The following MAP3K4 variants were observed in gnomAD, a reference collection of about 807,000 sequenced individuals.
The protein encoded by MAP3K4 is MAP three kinase 1.
In MAP3K4, 67 loss-of-function variants were observed where a neutral mutation model predicts 185.6. That is an observed-to-expected ratio of 0.36 (90% CI 0.30 to 0.44). The LOEUF is 0.44. Among genes scored for constraint, MAP3K4 ranks in the 20% least tolerant of loss-of-function variants. MAP3K4 has a pLI of 1.00. For synonymous variants in MAP3K4, 702 were observed against 710.4 expected (o/e 0.99, Z 0.19); for missense variants, 1,551 against 1,995.1 (o/e 0.78, Z 4.24).
At position 161,071,530 on chromosome 6, in the gene MAP3K4, G is replaced by A. The variant is rs900785173; in HGVS notation, c.1950+680G>A. ...TGTACGTGTCTATCCCATAGGGATTGGAGGGCTAAGAGCTACCCGGCTCTG... is the reference window on the plus strand; with the variant it reads ...TGTACGTGTCTATCCCATAGGGATTAGAGGGCTAAGAGCTACCCGGCTCTG... On this transcript the variant is annotated intron_variant, in intron 4 of 26. Coordinates refer to ENST00000392142, the MANE Select transcript of MAP3K4 (RefSeq NM_005922.4). The surrounding 1 kb of genome is among the most constrained non-coding windows in gnomAD (Gnocchi z 4.6). Among the ~76,000 whole-genome samples the A allele has an allele frequency of 6.6e-6, 1 of 152,188 alleles. No homozygotes were observed. The highest frequency in any genetic ancestry group is 1.5e-5 in the Non-Finnish European group (1 of 68,034).
In MAP3K4 at chr6:161,071,213, G is replaced by T. The variant is rs1784926667; in HGVS notation, c.1950+363G>T. Reference sequence around the variant, plus strand: ...TGTAAACAGATAAATGTCTAGAATAGGCATGGGGAGGGGTTTGGACTTTCT... The same window carrying T: ...TGTAAACAGATAAATGTCTAGAATATGCATGGGGAGGGGTTTGGACTTTCT... On this transcript the variant is annotated intron_variant, in intron 4 of 26. Transcript: ENST00000392142. This position sits in a 1 kb window ranked among gnomAD's most constrained non-coding sequence, Gnocchi z 4.6. 6.6e-6 allele frequency among the ~76,000 whole-genome samples: 1 copy of T among 152,020 alleles called. No homozygotes were observed. Among genetic ancestry groups the T allele is most frequent in the Non-Finnish European group, 1.5e-5 (1 of 67,996 alleles).
chr6:161,084,847 A>AT lies in MAP3K4; in HGVS notation c.2372+231dup, dbSNP rs1470347956. Among the ~76,000 whole-genome samples the AT allele has an allele frequency of 6.6e-6, 1 of 152,176 alleles. No individual in the cohort carries two copies. Among genetic ancestry groups the AT allele is most frequent in the African/African-American group, 2.4e-5 (1 of 41,436 alleles). ...GGGAACTTAGAATTTATTTAGTGTG[A>AT]TAAAAATAGTGCCAACTGGCTGGGC... is the stretch of plus-strand genomic sequence containing the variant. On this transcript the variant is annotated intron_variant, in intron 7 of 26. Coordinates refer to ENST00000392142, the MANE Select transcript of MAP3K4 (RefSeq NM_005922.4). The surrounding 1 kb of genome is among the most constrained non-coding windows in gnomAD (Gnocchi z 4.6).
intron 1 of MAP3K4, among the ~76,000 whole-genome samples, chr6:161,033,084 A>T (rs563463591): frequency 2.5e-4 from 38 of 152,282 alleles, no homozygotes; most frequent in South Asian, 1.2e-3. Flanking sequence ...TAATAATGGG[A>T]TCATACATTG....
At position 161,070,530 on chromosome 6, in the gene MAP3K4, A is replaced by G; in HGVS notation, c.1708-78A>G. ...TAGATTTGTTAGCACATTGTAGAGA[A>G]TAAGAGTTTATAACCACAACCGTAG... is the stretch of plus-strand genomic sequence containing the variant. On this transcript the variant is annotated intron_variant, in intron 3 of 26. Transcript: ENST00000392142. This position sits in a 1 kb window ranked among gnomAD's most constrained non-coding sequence, Gnocchi z 4.5. The G allele has an allele frequency of 1.6e-6, 2 of 1,228,570 alleles. No individual in the cohort carries two copies. Among genetic ancestry groups the G allele is most frequent in the Non-Finnish European group, 2.3e-6 (2 of 871,564 alleles). The allele number at this position is 1,228,570 out of a possible 1,614,324, so 76.1% of individuals were successfully genotyped here. A position where few individuals can be genotyped will look rare whatever the true frequency, so the allele number is the denominator to read the frequency against.
chr6:161,018,741 C>T (rs1198325054), intron 1 of MAP3K4, among the ~76,000 whole-genome samples: 1 of 151,992 alleles, frequency 6.6e-6, no homozygotes, highest in African/African-American at 2.4e-5. Context: ...TCAATAGTAA[C>T]AATCCTAGAA....
At position 161,097,284 on chromosome 6, in the gene MAP3K4, G is replaced by A. The variant is rs568845840; in HGVS notation, c.3524+108G>A. On this transcript the variant is annotated intron_variant, in intron 16 of 26. Coordinates refer to ENST00000392142, the MANE Select transcript of MAP3K4 (RefSeq NM_005922.4). This position sits in a 1 kb window ranked among gnomAD's most constrained non-coding sequence, Gnocchi z 4.9. The stretch of plus-strand genomic sequence containing the variant: ...GCTCTGAGAGCTAAATACCTTTTCT[G>A]CATTGTTCGTACGTAAAAGCTCTTA... 3.4e-6 allele frequency: 3 copies of A among 888,894 alleles called. No individual in the cohort carries two copies. Among genetic ancestry groups the A allele is most frequent in the Non-Finnish European group, 5.3e-6 (3 of 562,446 alleles). The allele number at this position is 888,894 out of a possible 1,614,324, so 55.1% of individuals were successfully genotyped here. A position where few individuals can be genotyped will look rare whatever the true frequency, so the allele number is the denominator to read the frequency against.
At chr6:161,041,183 C>T (rs1783432731) in intron 2 of MAP3K4, among the ~76,000 whole-genome samples, 1 of 152,218 alleles carries the variant, frequency 6.6e-6, no homozygotes, top group Non-Finnish European at 1.5e-5. Context: ...GCCCTACCTC[C>T]AGCACCTGCC....
Position 161,109,793 on chromosome 6 carries a change from G to C in MAP3K4, c.4275G>C (p.Gly1425=), listed in dbSNP as rs1385827123. 2 of 1,614,134 alleles carry C rather than the reference G, an allele frequency of 1.2e-6. No individual in the cohort carries two copies. Among genetic ancestry groups the C allele is most frequent in the Non-Finnish European group, 1.7e-6 (2 of 1,180,022 alleles). Residue 1425 remains glycine (G), a synonymous_variant, in exon 23 of 27, where the codon GGG becomes GGC. Coordinates refer to ENST00000392142, the MANE Select transcript of MAP3K4 (RefSeq NM_005922.4). The surrounding 1 kb of genome is among the most constrained non-coding windows in gnomAD (Gnocchi z 5.7). ...TCTTCATGGAGTACTGCGATGAGGG[G>C]ACTTTAGAAGAGGTGTCAAGGCTGG... The part of the protein sequence containing the change: ...MYIFMEYCDE[G]TLEEVSRLGL...
chr6:161,062,634 C>T (rs1181505516), intron 3 of MAP3K4, among the ~76,000 whole-genome samples: 1 of 152,114 alleles, frequency 6.6e-6, no homozygotes, highest in African/African-American at 2.4e-5. Flanking sequence ...TCCATAAAAT[C>T]TTTGGTTTAT....
At chr6:161,047,788 G>A (rs539897726) in intron 2 of MAP3K4, among the ~76,000 whole-genome samples, 4 of 152,334 alleles carry the variant, frequency 2.6e-5, no homozygotes, top group Admixed American at 2.0e-4. Flanking sequence ...GCAATTAATA[G>A]TGTTAAAAGT....
At chr6:161,010,684 C>A (rs1026322211) in intron 1 of MAP3K4, among the ~76,000 whole-genome samples, 1 of 152,076 alleles carries the variant, frequency 6.6e-6, no homozygotes, top group Non-Finnish European at 1.5e-5. Context: ...ATGACTAACC[C>A]CTGTTAAATA....
In MAP3K4 at chr6:161,006,404, TATTC is replaced by T. The variant is rs558049706; in HGVS notation, c.152+14322_152+14325del. On this transcript the variant is annotated intron_variant, in intron 1 of 26. Transcript: ENST00000392142. ...GTACAGACTTTTTTATTCTTGTTAT[TATTC>T]CCTAAATAATTCAGTGTAACAATCA... Among the ~76,000 whole-genome samples, 5 of 152,364 alleles carry T rather than the reference TATTC, an allele frequency of 3.3e-5. No individual in the cohort carries two copies. The South Asian group carries it at 1.0e-3, about 32-fold the overall frequency.
At position 161,029,979 on chromosome 6, in the gene MAP3K4, C is replaced by T. The variant is rs111571164; in HGVS notation, c.153-4280C>T. On this transcript the variant is annotated intron_variant, in intron 1 of 26. Transcript: ENST00000392142. ...TGGCTGCTTTTAATATTCTTCTCTT[C>T]GTCATTGGTTTTCAGCAATTTGGTT... Among the ~76,000 whole-genome samples the T allele has an allele frequency of 3.2e-3, 485 of 152,220 alleles. 4 individuals carry two copies. Among genetic ancestry groups the T allele is most frequent in the African/African-American group, 0.011 (463 of 41,520 alleles).
chr6:161,080,925 A>G lies in MAP3K4; in HGVS notation c.2142A>G (p.Gln714=), dbSNP rs375570904. The G allele has an allele frequency of 1.4e-5, 23 of 1,614,044 alleles. No individual in the cohort carries two copies. Among genetic ancestry groups the G allele is most frequent in the East Asian group, 2.2e-5 (1 of 44,884 alleles). The change falls in exon 6 of 27, where the codon CAA becomes CAG. Residue 714 remains glutamine, a synonymous_variant. Transcript: ENST00000392142. This position sits in a 1 kb window ranked among gnomAD's most constrained non-coding sequence, Gnocchi z 4.8. ...GAAGCTGGATCCAAATGCTACAGCA[A>G]TTACCTCAAGCATCGCATAGTTTAA... is the stretch of plus-strand genomic sequence containing the variant. ...YMRSWIQMLQ[Q]LPQASHSLKN... is the part of the protein sequence containing the mutation.
intron 3 of MAP3K4, among the ~76,000 whole-genome samples, chr6:161,066,117 T>G (rs1784702686): frequency 6.6e-6 from 1 of 152,158 alleles, no homozygotes; most frequent in African/African-American, 2.4e-5. Flanking sequence ...CTTTGTTTGC[T>G]ATTTTTCTTT....
chr6:161,008,978 C>T lies in MAP3K4; in HGVS notation c.152+16895C>T, dbSNP rs60649875. On this transcript the variant is annotated intron_variant, in intron 1 of 26. Transcript: ENST00000392142. This position sits in a 1 kb window ranked among gnomAD's most constrained non-coding sequence, Gnocchi z 4.1. ...ATCATGGCATATTCATTTTTTTAAA[C>T]CATCTGAACCTTTTTTTTTTTTTTT... is the stretch of plus-strand genomic sequence containing the variant. Among the ~76,000 whole-genome samples, 10,271 of 150,674 alleles carry T rather than the reference C, an allele frequency of 0.068. 406 individuals carry two copies. The highest frequency in any genetic ancestry group is 0.12 in the African/African-American group (4,725 of 40,724).
Position 161,106,349 on chromosome 6 carries a change from G to A in MAP3K4, c.3857-165G>A. Among the ~76,000 whole-genome samples the A allele has an allele frequency of 6.6e-6, 1 of 152,176 alleles. No individual in the cohort carries two copies. Among genetic ancestry groups the A allele is most frequent in the East Asian group, 1.9e-4 (1 of 5,196 alleles). ...TAAGGGGTGGCATATGCTGGAATGA[G>A]TAGCGTTTGAAGAACTTTAATTCAC... On this transcript the variant is annotated intron_variant, in intron 19 of 26. Transcript: ENST00000392142. The surrounding 1 kb of genome is among the most constrained non-coding windows in gnomAD (Gnocchi z 4.9).
chr6:161,101,645 C>T lies in MAP3K4; in HGVS notation c.3675-247C>T, dbSNP rs575936719. The T allele has an allele frequency of 2.3e-5, 8 of 351,320 alleles. No homozygotes were observed. In the East Asian group the frequency reaches 2.6e-4, roughly 11 times the overall value. 21.8% of individuals were successfully genotyped at this position (351,320 alleles called of 1,614,324 possible). A position where few individuals can be genotyped will look rare whatever the true frequency, so the allele number is the denominator to read the frequency against. ...TAGAGCTCTAACAGACTCCAGAGGA[C>T]GGTCTCCACAGCAGCGCTGTTCACT... is the stretch of plus-strand genomic sequence containing the variant. On this transcript the variant is annotated intron_variant, in intron 17 of 26. Transcript: ENST00000392142. This position sits in a 1 kb window ranked among gnomAD's most constrained non-coding sequence, Gnocchi z 5.1.
In MAP3K4 at chr6:161,087,547, T is replaced by C. The variant is rs1041390244; in HGVS notation, c.2557-141T>C. The stretch of plus-strand genomic sequence containing the variant: ...TTCAGTCACACTGAAGCCGGCTACC[T>C]GCAGTTCCCTCACTGCTCCAATTCA... On this transcript the variant is annotated intron_variant, in intron 9 of 26. Coordinates refer to ENST00000392142, the MANE Select transcript of MAP3K4 (RefSeq NM_005922.4). This position sits in a 1 kb window ranked among gnomAD's most constrained non-coding sequence, Gnocchi z 4.9. 1.3e-6 allele frequency: 1 copy of C among 791,852 alleles called. No individual in the cohort carries two copies. Among genetic ancestry groups the C allele is most frequent in the African/African-American group, 1.7e-5 (1 of 57,612 alleles). 49.1% of individuals were successfully genotyped at this position (791,852 alleles called of 1,614,324 possible).
Sources: allele counts gnomAD v4.1 joint callset (sites outside exome capture counted in the v4.1 genomes callset), GRCh38; gene constraint gnomAD v4.1.1; non-coding constraint Gnocchi (gnomAD v3.1); transcripts MANE v1.5; gene names NCBI Gene and HGNC (gene_info 2026-07-23, HGNC 2026-07-21).